Variants in STK32A observed in about 807,000 individuals in gnomAD.
STK32A encodes serine/threonine-protein kinase 32A.
In STK32A, 41 loss-of-function variants were observed where a neutral mutation model predicts 53.2. The observed-to-expected ratio is 0.77, with a 90% CI of 0.60 to 1.00. The LOEUF is 1.00. STK32A is among the 50% of genes least tolerant of loss of function. STK32A has a pLI of 0.00. For synonymous variants in STK32A, 166 were observed against 162.8 expected, an observed-to-expected ratio of 1.02 and a Z score of -0.15; for missense variants, 458 against 485.8, an observed-to-expected ratio of 0.94 and a Z score of 0.54.
At chr5:147,293,157 T>C (rs998201369) in intron 4 of STK32A, among the ~76,000 whole-genome samples, 23 of 152,226 alleles carry the variant, frequency 1.5e-4, no homozygotes, top group Admixed American at 1.1e-3. Context: ...TGTCTGTAGA[T>C]GACAAAAGAC....
chr5:147,369,914 G>A (rs1363167691), intron 8 of STK32A, among the ~76,000 whole-genome samples: 2 of 152,164 alleles, frequency 1.3e-5, no homozygotes, highest in Non-Finnish European at 2.9e-5. Flanking sequence ...CAGTGTTGGT[G>A]AGTCCCCTAC....
intron 1 of STK32A, among the ~76,000 whole-genome samples, chr5:147,237,457 C>T (rs1753372091): frequency 6.6e-6 from 1 of 152,166 alleles, no homozygotes; most frequent in South Asian, 2.1e-4. Flanking sequence ...CCCTAACTCA[C>T]AATAAAACAC....
At chr5:147,316,237 T>C (rs1014718855) in intron 4 of STK32A, among the ~76,000 whole-genome samples, 11 of 152,210 alleles carry the variant, frequency 7.2e-5, no homozygotes, top group African/African-American at 9.6e-5. Context: ...GTTAAGAATT[T>C]CTGTAATCTT....
At position 147,385,414 on chromosome 5, in the gene STK32A, C is replaced by G. The variant is rs920631219; in HGVS notation, c.*1431C>G. 6.6e-6 allele frequency: 1 copy of G among 152,246 alleles called. No homozygotes were observed. The allele number at this position is 152,246 out of a possible 1,614,324, so 9.4% of individuals were successfully genotyped here. A position where few individuals can be genotyped will look rare whatever the true frequency, so the allele number is the denominator to read the frequency against. On this transcript the variant is annotated 3_prime_UTR_variant, in exon 13 of 13. Coordinates refer to ENST00000397936, the MANE Select transcript of STK32A (RefSeq NM_001112724.2). ...TTGGCCTCCCAAAGTGCTGGGATTACAGGCGTGAGCCACCAAACCTGGCCT... is the reference window on the plus strand; with the variant it reads ...TTGGCCTCCCAAAGTGCTGGGATTAGAGGCGTGAGCCACCAAACCTGGCCT...
intron 10 of STK32A, among the ~76,000 whole-genome samples, chr5:147,373,519 G>C (rs61466660): frequency 1.3e-5 from 2 of 152,066 alleles, no homozygotes; most frequent in Non-Finnish European, 2.9e-5. Flanking sequence ...GTGTATTTGC[G>C]ACTGAAGTTC....
chr5:147,337,760 C>T (rs192665364), intron 5 of STK32A, among the ~76,000 whole-genome samples: 62 of 151,966 alleles, frequency 4.1e-4, no homozygotes, highest in African/African-American at 1.4e-3. Flanking sequence ...ATGTTAAAAG[C>T]GAACTATGGG....
At chr5:147,379,755 T>C (rs1000162362) in intron 11 of STK32A, among the ~76,000 whole-genome samples, 11 of 152,210 alleles carry the variant, frequency 7.2e-5, no homozygotes, top group African/African-American at 2.7e-4. Context: ...CCACCTGCTC[T>C]AACCCCTTCC....
At chr5:147,269,181 C>T in intron 2 of STK32A, among the ~76,000 whole-genome samples, 1 of 152,298 alleles carries the variant, frequency 6.6e-6, no homozygotes, top group Admixed American at 6.5e-5. Context: ...ATATATGTAA[C>T]ATATTTAGAA....
At chr5:147,393,219 C>T in the STK32A span, 1 of 152,272 alleles carries the variant, frequency 6.6e-6, no homozygotes, top group East Asian at 1.9e-4. Context: ...CTTTTAAGAG[C>T]ACCAAAGAGG....
intron 5 of STK32A, among the ~76,000 whole-genome samples, chr5:147,333,632 T>A (rs758605885): frequency 3.9e-5 from 6 of 152,208 alleles, no homozygotes; most frequent in Non-Finnish European, 8.8e-5. Context: ...CTAATGAATA[T>A]ACAGTCTTAA....
chr5:147,332,466 T>C (rs1468105751), intron 5 of STK32A, among the ~76,000 whole-genome samples: 5 of 152,154 alleles, frequency 3.3e-5, no homozygotes, highest in Non-Finnish European at 7.4e-5. Context: ...TATGAGAACA[T>C]TTAAAGTCTA....
chr5:147,248,182 G>C (rs1753835862), intron 2 of STK32A, among the ~76,000 whole-genome samples: 1 of 150,164 alleles, frequency 6.7e-6, no homozygotes, highest in African/African-American at 2.5e-5. Context: ...TACAAAAATA[G>C]ATAGTGAGTT....
intron 2 of STK32A, among the ~76,000 whole-genome samples, chr5:147,261,994 C>T (rs1229063009): frequency 6.6e-6 from 1 of 152,156 alleles, no homozygotes; most frequent in Non-Finnish European, 1.5e-5. Context: ...AGAGAGAAAA[C>T]TTGAGAGGCA....
intron 6 of STK32A, among the ~76,000 whole-genome samples, chr5:147,349,748 G>A (rs972849477): frequency 1.3e-5 from 2 of 152,068 alleles, no homozygotes; most frequent in African/African-American, 4.8e-5. Flanking sequence ...ATGTGTTAGA[G>A]GCTGAGTTCA....
In STK32A at chr5:147,385,766, T is replaced by C. The variant is rs1389994920; in HGVS notation, c.*1783T>C. The C allele has an allele frequency of 1.3e-5, 2 of 152,110 alleles. No homozygotes were observed. Among genetic ancestry groups the C allele is most frequent in the Non-Finnish European group, 2.9e-5 (2 of 68,044 alleles). The allele number at this position is 152,110 out of a possible 1,614,324, so 9.4% of individuals were successfully genotyped here. A position where few individuals can be genotyped will look rare whatever the true frequency, so the allele number is the denominator to read the frequency against. ...AGGGTCCAGAAGTGAACAGGCTTGG[T>C]GGGGGATTGTTTTCACCTCTTGGCT... On this transcript the variant is annotated 3_prime_UTR_variant, in exon 13 of 13. Transcript: ENST00000397936.
the STK32A span, among the ~76,000 whole-genome samples, chr5:147,394,840 A>T: frequency 0.04 from 6,014 of 152,096 alleles, 337 homozygotes; most frequent in East Asian, 0.19. Flanking sequence ...CTCCCATTCC[A>T]TACCCTTTCC....
chr5:147,398,650 T>C, the STK32A span, among the ~76,000 whole-genome samples: 1 of 152,204 alleles, frequency 6.6e-6, no homozygotes, highest in Non-Finnish European at 1.5e-5. Flanking sequence ...TTATTTCCTA[T>C]TCTTTCCCTT....
chr5:147,319,139 C>CTT (rs146817721), intron 4 of STK32A, among the ~76,000 whole-genome samples: 38 of 100,562 alleles, frequency 3.8e-4, no homozygotes, highest in South Asian at 6.6e-4. Flanking sequence ...ACAACTGGTA[C>CTT]TTTTTTTTTT....
intron 4 of STK32A, among the ~76,000 whole-genome samples, chr5:147,318,643 A>C (rs1376569553): frequency 6.6e-6 from 1 of 151,524 alleles, no homozygotes; most frequent in Non-Finnish European, 1.5e-5. Context: ...TGGTATGGTG[A>C]TATGTACCTG....
Sources: allele counts gnomAD v4.1 joint callset (sites outside exome capture counted in the v4.1 genomes callset), GRCh38; gene constraint gnomAD v4.1.1; transcripts MANE v1.5; gene names NCBI Gene and HGNC (gene_info 2026-07-23, HGNC 2026-07-21).